C12orf50: variants seen among roughly 807,000 people sequenced by gnomAD.
C12orf50 encodes the protein uncharacterized protein C12orf50.
Under a neutral mutation model 61.6 loss-of-function variants are expected in C12orf50, and 35 were observed. That is an observed-to-expected ratio of 0.57 (90% CI 0.43 to 0.75). The LOEUF (loss-of-function observed/expected upper bound fraction) is 0.75, where lower values mean the gene tolerates loss of function less well. C12orf50 is among the 30% of genes least tolerant of loss of function. C12orf50 has a pLI of 0.00. For missense variants in C12orf50, 475 were observed against 488.5 expected (o/e 0.97, Z 0.26); for synonymous variants, 178 against 161.5 (o/e 1.10, Z -0.77).
intron 3 of C12orf50, among the ~76,000 whole-genome samples, chr12:88,015,223 G>A (rs980148085): frequency 2.6e-5 from 4 of 152,016 alleles, no homozygotes; most frequent in African/African-American, 7.2e-5. Flanking sequence ...AAACACACAC[G>A]CACAAAAATT....
chr12:88,000,505 G>A (rs1479634425), intron 3 of C12orf50, among the ~76,000 whole-genome samples: 1 of 151,676 alleles, frequency 6.6e-6, no homozygotes, highest in Non-Finnish European at 1.5e-5. Flanking sequence ...CCATTTTCCT[G>A]ATTTTTTTTC....
intron 7 of C12orf50, among the ~76,000 whole-genome samples, chr12:87,994,348 G>A (rs2031281580): frequency 6.6e-6 from 1 of 151,618 alleles, no homozygotes; most frequent in Admixed American, 6.6e-5. Context: ...GTCTGGAGTT[G>A]AGCCTACACA....
At chr12:88,007,392 C>G (rs2031924972) in intron 3 of C12orf50, among the ~76,000 whole-genome samples, 1 of 152,212 alleles carries the variant, frequency 6.6e-6, no homozygotes, top group Non-Finnish European at 1.5e-5. Context: ...TCCATTTGTG[C>G]TGCTGTAACA....
intron 12 of C12orf50, 120 bp downstream of exon 12, chr12:87,982,983 T>G: frequency 2.1e-6 from 1 of 482,282 alleles, no homozygotes; most frequent in East Asian, 3.3e-5. Flanking sequence ...AGTAATTAAG[T>G]GTGCATGTAT....
Position 88,026,562 on chromosome 12 carries a change from C to T in C12orf50, c.59G>A (p.Cys20Tyr). The T allele has an allele frequency of 1.2e-6, 2 of 1,613,854 alleles. No individual in the cohort carries two copies. The highest frequency in any genetic ancestry group is 1.1e-5 in the South Asian group (1 of 91,078). The stretch of plus-strand genomic sequence containing the variant: ...ATAAAAGATACAGCTGATCTTCACA[C>T]AACCAAGAGGCTGAGTTTCCCAGAA... ...SCFWETQPLG[C>Y]VKISCIFYHS... Residue 20 changes from cysteine to tyrosine, a missense_variant, in exon 3 of 13, where the codon TGT becomes TAT. Coordinates refer to ENST00000298699, the MANE Select transcript of C12orf50 (RefSeq NM_152589.3).
chr12:87,997,169 G>A (rs1359205948), intron 4 of C12orf50, among the ~76,000 whole-genome samples: 3 of 152,078 alleles, frequency 2.0e-5, no homozygotes, highest in Non-Finnish European at 2.9e-5. Context: ...TGGGTCCTAA[G>A]CCTGTTCATA....
intron 6 of C12orf50, among the ~76,000 whole-genome samples, chr12:87,995,391 T>C (rs2031335770): frequency 6.6e-6 from 1 of 152,196 alleles, no homozygotes; most frequent in South Asian, 2.1e-4. Context: ...TTTATATTTA[T>C]ACTACAGTTA....
At chr12:87,997,018 C>T (rs895755075) in intron 4 of C12orf50, among the ~76,000 whole-genome samples, 5 of 152,078 alleles carry the variant, frequency 3.3e-5, no homozygotes, top group African/African-American at 1.2e-4. Flanking sequence ...TATGGTGTCC[C>T]GTAGTCCATA....
Position 87,996,639 on chromosome 12 carries a change from A to G in C12orf50, c.297T>C (p.Ser99=), listed in dbSNP as rs540627718. 7 of 1,602,204 alleles carry G rather than the reference A, an allele frequency of 4.4e-6. No individual in the cohort carries two copies. In the Admixed American group the frequency reaches 8.3e-5, roughly 19 times the overall value. The change falls in exon 5 of 13, where the codon TCT becomes TCC. Residue 99 remains serine (S), a synonymous_variant. Transcript: ENST00000298699. ...EEEVDEQNDA[S]SLWTKTPEEI... Reference sequence around the variant, plus strand: ...CTTCAGGGGTCTTTGTCCATAAACTAGAAGCATCTATAGGATATAGATTTT... The same window carrying G: ...CTTCAGGGGTCTTTGTCCATAAACTGGAAGCATCTATAGGATATAGATTTT...
At chr12:88,005,912 GTTT>G (rs371924944) in intron 3 of C12orf50, among the ~76,000 whole-genome samples, 5 of 91,024 alleles carry the variant, frequency 5.5e-5, no homozygotes, top group African/African-American at 8.7e-5. Context: ...TGTTTTTTTG[GTTT>G]TTTTTTTTTT....
chr12:87,985,970 G>T lies in C12orf50; in HGVS notation c.1006C>A (p.His336Asn), dbSNP rs576202856. Residue 336 changes from histidine to asparagine, a missense_variant, in exon 11 of 13, where the codon CAC becomes AAC. Coordinates refer to ENST00000298699, the MANE Select transcript of C12orf50 (RefSeq NM_152589.3). ...NRNAENASYI[H>N]VQRDAVRTVA... ...GTCCTGACAGCATCTCTTTGAACGT[G>T]GATATAGGATGCATTCTCCGCATTT... 1.2e-5 allele frequency: 19 copies of T among 1,613,880 alleles called. No homozygotes were observed. In the East Asian group the frequency reaches 4.2e-4, roughly 36 times the overall value.
intron 3 of C12orf50, among the ~76,000 whole-genome samples, chr12:88,004,032 T>G (rs1179738399): frequency 6.6e-6 from 1 of 152,162 alleles, no homozygotes; most frequent in East Asian, 1.9e-4. Flanking sequence ...AGTTCTCAAA[T>G]CTACCCTTGA....
intron 11 of C12orf50, chr12:87,984,793 C>A (rs2030718202): frequency 6.6e-6 from 1 of 152,106 alleles, no homozygotes; most frequent in African/African-American, 2.4e-5. Flanking sequence ...AATTCTGGCA[C>A]CTTCACACAA....
chr12:87,995,043 G>A (rs1464987023), intron 6 of C12orf50, among the ~76,000 whole-genome samples: 3 of 151,912 alleles, frequency 2.0e-5, no homozygotes, highest in Non-Finnish European at 2.9e-5. Flanking sequence ...TCTCATATAA[G>A]GAATTTTGTA....
rs368739545 is a variant in C12orf50, at chr12:88,003,194, T to C, written c.134-5004A>G. Among the ~76,000 whole-genome samples the C allele has an allele frequency of 3.5e-4, 53 of 152,076 alleles. 2 individuals are homozygous for C. The South Asian group carries it at 0.011, about 30-fold the overall frequency. On this transcript the variant is annotated intron_variant, in intron 3 of 12. Transcript: ENST00000298699. ...ATTTGTTCCTATGGATTTGTGTTACTATCTGGTGTCATTTCTTTGTCATCA... is the reference window on the plus strand; with the variant it reads ...ATTTGTTCCTATGGATTTGTGTTACCATCTGGTGTCATTTCTTTGTCATCA...
In C12orf50 at chr12:88,013,695, T is replaced by C. The variant is rs149167168; in HGVS notation, c.133+12793A>G. Among the ~76,000 whole-genome samples the C allele has an allele frequency of 3.9e-5, 6 of 152,334 alleles. No homozygotes were observed. In the South Asian group the frequency reaches 6.2e-4, roughly 16 times the overall value. ...GTGACAAAATGTTAATTGGTGAAGA[T>C]AGGTGAAGAATACATGGACAGCTGG... On this transcript the variant is annotated intron_variant, in intron 3 of 12. Transcript: ENST00000298699.
intron 3 of C12orf50, among the ~76,000 whole-genome samples, chr12:88,017,382 T>C (rs551529539): frequency 6.6e-6 from 1 of 152,334 alleles, no homozygotes; most frequent in African/African-American, 2.4e-5. Flanking sequence ...TCCACCATGA[T>C]TGTGAGGCCT....
intron 3 of C12orf50, among the ~76,000 whole-genome samples, chr12:88,012,031 A>G (rs7963535): frequency 0.26 from 40,150 of 152,170 alleles, 10,767 homozygotes; most frequent in African/African-American, 0.69. Flanking sequence ...ACAGCAAATG[A>G]CAAATGTGAA....
At position 87,985,909 on chromosome 12, in the gene C12orf50, G is replaced by A. The variant is rs758153766; in HGVS notation, c.1067C>T (p.Thr356Met). The A allele has an allele frequency of 2.7e-5, 44 of 1,613,642 alleles. No homozygotes were observed. Among genetic ancestry groups the A allele is most frequent in the Middle Eastern group, 1.7e-4 (1 of 5,958 alleles). Reference protein sequence around the residue: ...ALNAPSRSRPTHGSYNKVHAN... With the variant: ...ALNAPSRSRPMHGSYNKVHAN... ...ATGGACTTTATTGTAGGACCCATGCGTGGGCCTGCTGCGGGAAGGTGCATT... is the reference window on the plus strand; with the variant it reads ...ATGGACTTTATTGTAGGACCCATGCATGGGCCTGCTGCGGGAAGGTGCATT... The change falls in exon 11 of 13, where the codon ACG (threonine) becomes ATG (methionine). Residue 356 changes from threonine (T) to methionine (M), a missense_variant. Transcript: ENST00000298699.
Sources: gnomAD v4.1 joint callset for allele counts (sites outside exome capture counted in the v4.1 genomes callset) on GRCh38, gnomAD v4.1.1 for gene constraint, MANE v1.5 for transcripts, NCBI Gene and HGNC (gene_info 2026-07-23, HGNC 2026-07-21) for gene names.